Variants in TAS2R40 observed in about 807,000 individuals in gnomAD.
TAS2R40 encodes the protein taste receptor type 2 member 40.
TAS2R40 carries 14 observed loss-of-function variants against 16.5 expected under a neutral mutation model. That is an observed-to-expected ratio of 0.85 (90% confidence interval 0.56 to 1.32). TAS2R40 has a LOEUF of 1.32. Ranked by LOEUF, TAS2R40 falls within the 40% of genes most tolerant of loss-of-function variation. The probability of loss-of-function intolerance (pLI) is 0.00; values close to 1 mark genes in which losing one functional copy is unlikely to be tolerated. For missense variants in TAS2R40, 350 were observed against 385.9 expected, an observed-to-expected ratio of 0.91 and a Z score of 0.78; for synonymous variants, 152 against 150.2, an observed-to-expected ratio of 1.01 and a Z score of -0.09.
At position 143,222,964 on chromosome 7, in the gene TAS2R40, C is replaced by T. The variant is rs375632365; in HGVS notation, c.886C>T (p.Leu296=). ...AAYPAGHSVQ[L]ILGNPGLRRA... is the part of the protein sequence containing the mutation. ...CTACCCTGCCGGCCACTCAGTACAA[C>T]TGATCTTGGGCAACCCTGGGCTGAG... Residue 296 remains leucine, a synonymous_variant, in exon 1 of 1, where the codon CTG becomes TTG. Transcript: ENST00000408947. 9.0e-5 allele frequency: 145 copies of T among 1,614,194 alleles called. No individual in the cohort carries two copies. In the African/African-American group the frequency reaches 1.7e-3, roughly 19 times the overall value.
chr7:143,222,193 A>C lies in TAS2R40; in HGVS notation c.115A>C (p.Ile39Leu), dbSNP rs1374408880. 1 of 1,614,054 alleles carries C rather than the reference A, an allele frequency of 6.2e-7. No homozygotes were observed. Among genetic ancestry groups the C allele is most frequent in the Non-Finnish European group, 8.5e-7 (1 of 1,180,032 alleles). The change falls in exon 1 of 1, where the codon ATC becomes CTC. Residue 39 changes from isoleucine (I) to leucine (L), a missense_variant. Coordinates refer to ENST00000408947, the MANE Select transcript of TAS2R40 (RefSeq NM_176882.2). ...CACTGGCATCCTTGGGAGTGGCTTC[A>C]TCACGGCCATCTATGGGGCTGAGTG... ...CITGILGSGFITAIYGAEWAR... is the reference protein window; with the variant it reads ...CITGILGSGFLTAIYGAEWAR...
chr7:143,222,851 T>C lies in TAS2R40; in HGVS notation c.773T>C (p.Phe258Ser), dbSNP rs1462221580. Residue 258 changes from phenylalanine (F) to serine (S), a missense_variant, in exon 1 of 1, where the codon TTC becomes TCC. Physicochemically the swap from Phe to Ser is radical, Grantham distance 155. Coordinates refer to ENST00000408947, the MANE Select transcript of TAS2R40 (RefSeq NM_176882.2). ...ATSYFLILYI[F>S]NAIALFLSTS... is the part of the protein sequence containing the mutation. ...AGCTACTTTCTCATCCTCTACATTT[T>C]CAATGCAATTGCTCTATTTCTTTCC... 3 of 1,614,202 alleles carry C rather than the reference T, an allele frequency of 1.9e-6. No individual in the cohort carries two copies.
Position 143,222,453 on chromosome 7 carries a change from C to T in TAS2R40, c.375C>T (p.Asn125=), listed in dbSNP as rs367836687. ...TCTTCTATTGTCTTAGAATTGCAAA[C>T]TTCAATCATCCTTTGTTCTTCCTGA... ...LKVFYCLRIA[N]FNHPLFFLMK... is the part of the protein sequence containing the mutation. Residue 125 remains asparagine (N), a synonymous_variant, in exon 1 of 1, where the codon AAC becomes AAT. Coordinates refer to ENST00000408947, the MANE Select transcript of TAS2R40 (RefSeq NM_176882.2). 1.9e-6 allele frequency: 3 copies of T among 1,614,082 alleles called. No homozygotes were observed. Among genetic ancestry groups the T allele is most frequent in the African/African-American group, 2.7e-5 (2 of 74,922 alleles).
chr7:143,222,379 A>G lies in TAS2R40; in HGVS notation c.301A>G (p.Thr101Ala), dbSNP rs1800246239. 1 of 1,614,192 alleles carries G rather than the reference A, an allele frequency of 6.2e-7. No homozygotes were observed. The highest frequency in any genetic ancestry group is 1.3e-5 in the African/African-American group (1 of 75,046). The part of the protein sequence containing the change: ...NSVYILFKVI[T>A]VFLNHSNLWF... The stretch of plus-strand genomic sequence containing the variant: ...AGTGTATATCCTCTTCAAAGTCATC[A>G]CTGTCTTTCTGAACCATTCCAATCT... The change falls in exon 1 of 1, where the codon ACT (threonine) becomes GCT (alanine). Residue 101 changes from threonine to alanine, a missense_variant. Thr to Ala is a moderately conservative substitution (Grantham distance 58). Coordinates refer to ENST00000408947, the MANE Select transcript of TAS2R40 (RefSeq NM_176882.2).
At position 143,222,101 on chromosome 7, in the gene TAS2R40, C is replaced by T; in HGVS notation, c.23C>T (p.Ala8Val). The change falls in exon 1 of 1, where the codon GCC becomes GTC. Residue 8 changes from alanine (A) to valine (V), a missense_variant. Coordinates refer to ENST00000408947, the MANE Select transcript of TAS2R40 (RefSeq NM_176882.2). The stretch of plus-strand genomic sequence containing the variant: ...AGAATGGCAACGGTGAACACAGATG[C>T]CACAGATAAAGACATATCCAAGTTC... MATVNTD[A>V]TDKDISKFKV... is the part of the protein sequence containing the mutation. 6.2e-7 allele frequency: 1 copy of T among 1,612,708 alleles called. No homozygotes were observed. The highest frequency in any genetic ancestry group is 1.7e-5 in the Admixed American group (1 of 59,926).
Position 143,222,083 on chromosome 7 carries a change from C to A in TAS2R40, c.5C>A (p.Ala2Glu), listed in dbSNP as rs1216139060. 1.9e-6 allele frequency: 3 copies of A among 1,606,454 alleles called. No homozygotes were observed. The highest frequency in any genetic ancestry group is 4.5e-5 in the East Asian group (2 of 44,744). Residue 2 changes from alanine (A) to glutamate (E), a missense_variant, in exon 1 of 1, where the codon GCA (alanine) becomes GAA (glutamate). Ala to Glu is a moderately radical substitution (Grantham distance 107). Coordinates refer to ENST00000408947, the MANE Select transcript of TAS2R40 (RefSeq NM_176882.2). M[A>E]TVNTDATDKD... Reference sequence around the variant, plus strand: ...TGAAAGTCAGGATCAAAGAGAATGGCAACGGTGAACACAGATGCCACAGAT... The same window carrying A: ...TGAAAGTCAGGATCAAAGAGAATGGAAACGGTGAACACAGATGCCACAGAT...
Position 143,222,676 on chromosome 7 carries a change from A to G in TAS2R40, c.598A>G (p.Met200Val), listed in dbSNP as rs1330004009. 3.1e-6 allele frequency: 5 copies of G among 1,614,104 alleles called. No individual in the cohort carries two copies. The highest frequency in any genetic ancestry group is 2.2e-5 in the East Asian group (1 of 44,864). ...NMVNLVFFYN[M>V]GIFVPLIMFI... ...GGTCAACCTGGTATTTTTCTATAAC[A>G]TGGGGATCTTCGTTCCTCTGATCAT... is the stretch of plus-strand genomic sequence containing the variant. The change falls in exon 1 of 1, where the codon ATG (methionine) becomes GTG (valine). Residue 200 changes from methionine (M) to valine (V), a missense_variant. Transcript: ENST00000408947.
Position 143,222,678 on chromosome 7 carries a change from G to T in TAS2R40, c.600G>T (p.Met200Ile). Residue 200 changes from methionine (M) to isoleucine (I), a missense_variant, in exon 1 of 1, where the codon ATG becomes ATT. By Grantham distance (10) the Met-to-Ile change is conservative. Coordinates refer to ENST00000408947, the MANE Select transcript of TAS2R40 (RefSeq NM_176882.2). ...TCAACCTGGTATTTTTCTATAACAT[G>T]GGGATCTTCGTTCCTCTGATCATGT... The part of the protein sequence containing the change: ...NMVNLVFFYN[M>I]GIFVPLIMFI... The T allele has an allele frequency of 6.2e-7, 1 of 1,614,002 alleles. No individual in the cohort carries two copies. Among genetic ancestry groups the T allele is most frequent in the Non-Finnish European group, 8.5e-7 (1 of 1,180,004 alleles).
In TAS2R40 at chr7:143,222,220, G is replaced by A. The variant is rs994364638; in HGVS notation, c.142G>A (p.Ala48Thr). ...FITAIYGAEW[A>T]RGKTLPTGDR... ...CACGGCCATCTATGGGGCTGAGTGG[G>A]CCAGGGGCAAAACACTCCCCACTGG... The change falls in exon 1 of 1, where the codon GCC becomes ACC. Residue 48 changes from alanine (A) to threonine (T), a missense_variant. Physicochemically the swap from Ala to Thr is moderately conservative, Grantham distance 58. Transcript: ENST00000408947. 6.2e-7 allele frequency: 1 copy of A among 1,614,034 alleles called. No homozygotes were observed. The highest frequency in any genetic ancestry group is 1.6e-4 in the Middle Eastern group (1 of 6,062).
rs1800258219 is a variant in TAS2R40, at chr7:143,223,051, C to T, written c.*1C>T. ...TTACCTAAAAGGGCAGACTCTGTGA[C>T]TGGAACTCACGGAGTTCTGCGGGAC... On this transcript the variant is annotated 3_prime_UTR_variant, in exon 1 of 1. Coordinates refer to ENST00000408947, the MANE Select transcript of TAS2R40 (RefSeq NM_176882.2). The T allele has an allele frequency of 6.3e-7, 1 of 1,592,832 alleles. No individual in the cohort carries two copies. Among genetic ancestry groups the T allele is most frequent in the Non-Finnish European group, 8.6e-7 (1 of 1,168,990 alleles).
Position 143,222,753 on chromosome 7 carries a change from A to T in TAS2R40, c.675A>T (p.Leu225=). 3 of 1,614,088 alleles carry T rather than the reference A, an allele frequency of 1.9e-6. No homozygotes were observed. The highest frequency in any genetic ancestry group is 2.5e-6 in the Non-Finnish European group (3 of 1,180,010). The part of the protein sequence containing the change: ...LLILSLKRHT[L]HMGSNATGSR... ...TCCTCTCTCTCAAGAGACACACCCT[A>T]CACATGGGAAGCAATGCCACAGGGT... The change falls in exon 1 of 1, where the codon CTA becomes CTT. Residue 225 remains leucine, a synonymous_variant. Coordinates refer to ENST00000408947, the MANE Select transcript of TAS2R40 (RefSeq NM_176882.2).
In TAS2R40 at chr7:143,222,447, T is replaced by C. The variant is rs1472353575; in HGVS notation, c.369T>C (p.Ile123=). ...AWLKVFYCLR[I]ANFNHPLFFL... ...TCAAAGTCTTCTATTGTCTTAGAAT[T>C]GCAAACTTCAATCATCCTTTGTTCT... The change falls in exon 1 of 1, where the codon ATT becomes ATC. Residue 123 remains isoleucine, a synonymous_variant. Coordinates refer to ENST00000408947, the MANE Select transcript of TAS2R40 (RefSeq NM_176882.2). The C allele has an allele frequency of 1.2e-6, 2 of 1,614,254 alleles. No individual in the cohort carries two copies.
Position 143,222,591 on chromosome 7 carries a change from C to A in TAS2R40, c.513C>A (p.Ser171Arg). The change falls in exon 1 of 1, where the codon AGC becomes AGA. Residue 171 changes from serine (S) to arginine (R), a missense_variant. Transcript: ENST00000408947. ...SRDVFNVYVN[S>R]SIPIPSSNST... ...ATGTCTTCAATGTGTATGTGAATAG[C>A]TCCATTCCTATCCCCTCCTCCAACT... 1 of 1,614,172 alleles carries A rather than the reference C, an allele frequency of 6.2e-7. No individual in the cohort carries two copies. Among genetic ancestry groups the A allele is most frequent in the Non-Finnish European group, 8.5e-7 (1 of 1,180,016 alleles).
chr7:143,222,532 G>T lies in TAS2R40; in HGVS notation c.454G>T (p.Val152Phe). The change falls in exon 1 of 1, where the codon GTT becomes TTT. Residue 152 changes from valine to phenylalanine, a missense_variant. Transcript: ENST00000408947. ...TTGGCTTCTCAGGCTGTCAGTGTTG[G>T]TTTCCTTAAGCTTCAGCTTTCCTCT... ...MPWLLRLSVL[V>F]SLSFSFPLSR... 6.2e-7 allele frequency: 1 copy of T among 1,614,148 alleles called. No homozygotes were observed. The highest frequency in any genetic ancestry group is 2.2e-5 in the East Asian group (1 of 44,884).
chr7:143,223,061 C>T lies in TAS2R40; in HGVS notation c.*11C>T, dbSNP rs748597562. The stretch of plus-strand genomic sequence containing the variant: ...GGGCAGACTCTGTGACTGGAACTCA[C>T]GGAGTTCTGCGGGACCTGGTCCAAC... On this transcript the variant is annotated 3_prime_UTR_variant, in exon 1 of 1. Coordinates refer to ENST00000408947, the MANE Select transcript of TAS2R40 (RefSeq NM_176882.2). The T allele has an allele frequency of 3.0e-5, 48 of 1,581,278 alleles. No homozygotes were observed. The highest frequency in any genetic ancestry group is 3.9e-5 in the Non-Finnish European group (45 of 1,163,530).
chr7:143,223,004 G>T lies in TAS2R40; in HGVS notation c.926G>T (p.Arg309Leu), dbSNP rs780482387. 1.2e-6 allele frequency: 2 copies of T among 1,613,108 alleles called. No homozygotes were observed. Among genetic ancestry groups the T allele is most frequent in the African/African-American group, 2.7e-5 (2 of 74,808 alleles). ...GNPGLRRAWK[R>L]FQHQVPLYLK... ...CCTGGGCTGAGAAGAGCCTGGAAGCGGTTTCAGCACCAAGTTCCTCTTTAC... is the reference window on the plus strand; with the variant it reads ...CCTGGGCTGAGAAGAGCCTGGAAGCTGTTTCAGCACCAAGTTCCTCTTTAC... The change falls in exon 1 of 1, where the codon CGG becomes CTG. Residue 309 changes from arginine to leucine, a missense_variant. Coordinates refer to ENST00000408947, the MANE Select transcript of TAS2R40 (RefSeq NM_176882.2).
chr7:143,222,836 T>G lies in TAS2R40; in HGVS notation c.758T>G (p.Leu253Arg). ...GCCATCAAAGCCACCAGCTACTTTC[T>G]CATCCTCTACATTTTCAATGCAATT... is the stretch of plus-strand genomic sequence containing the variant. ...IGAIKATSYF[L>R]ILYIFNAIAL... Residue 253 changes from leucine to arginine, a missense_variant, in exon 1 of 1, where the codon CTC becomes CGC. Leu to Arg is a moderately radical substitution (Grantham distance 102). Transcript: ENST00000408947. The G allele has an allele frequency of 6.2e-7, 1 of 1,614,174 alleles. No individual in the cohort carries two copies. The highest frequency in any genetic ancestry group is 1.1e-5 in the South Asian group (1 of 91,084).
At position 143,222,694 on chromosome 7, in the gene TAS2R40, C is replaced by T. The variant is rs1800251126; in HGVS notation, c.616C>T (p.Leu206=). 1 of 1,614,156 alleles carries T rather than the reference C, an allele frequency of 6.2e-7. No homozygotes were observed. Among genetic ancestry groups the T allele is most frequent in the African/African-American group, 1.3e-5 (1 of 75,050 alleles). ...FFYNMGIFVP[L]IMFILAATLL... ...CTATAACATGGGGATCTTCGTTCCTCTGATCATGTTCATCCTGGCAGCCAC... is the reference window on the plus strand; with the variant it reads ...CTATAACATGGGGATCTTCGTTCCTTTGATCATGTTCATCCTGGCAGCCAC... Residue 206 remains leucine, a synonymous_variant, in exon 1 of 1, where the codon CTG becomes TTG. Coordinates refer to ENST00000408947, the MANE Select transcript of TAS2R40 (RefSeq NM_176882.2).
rs781232764 is a variant in TAS2R40 at position 143,222,236 on chromosome 7, T to C, written c.158T>C (p.Leu53Pro). The C allele has an allele frequency of 6.2e-7, 1 of 1,614,100 alleles. No homozygotes were observed. Among genetic ancestry groups the C allele is most frequent in the Non-Finnish European group, 8.5e-7 (1 of 1,180,000 alleles). The change falls in exon 1 of 1, where the codon CTC (leucine) becomes CCC (proline). Residue 53 changes from leucine (L) to proline (P), a missense_variant. By Grantham distance (98) the Leu-to-Pro change is moderately conservative. Transcript: ENST00000408947. ...GCTGAGTGGGCCAGGGGCAAAACAC[T>C]CCCCACTGGTGACCGCATTATGTTG... ...YGAEWARGKT[L>P]PTGDRIMLML...
Sources: gnomAD v4.1 joint callset for allele counts on GRCh38, gnomAD v4.1.1 for gene constraint, MANE v1.5 for transcripts, NCBI Gene and HGNC (gene_info 2026-07-23, HGNC 2026-07-21) for gene names.